CCSER1: variants seen among roughly 807,000 people sequenced by gnomAD.
CCSER1 encodes serine-rich coiled-coil domain-containing protein 1.
In CCSER1, 41 loss-of-function variants were observed where a neutral mutation model predicts 82.0. That is an observed-to-expected ratio of 0.50 (90% CI 0.39 to 0.65). CCSER1 has a LOEUF of 0.65. Among genes scored for constraint, CCSER1 ranks in the 30% least tolerant of loss-of-function variants. CCSER1 has a pLI of 0.00. For synonymous variants in CCSER1, 414 were observed against 383.9 expected (o/e 1.08, Z -0.92); for missense variants, 1,119 against 1,064.2 (o/e 1.05, Z -0.72).
At chr4:90,245,721 A>G (rs1721299891) in intron 1 of CCSER1, among the ~76,000 whole-genome samples, 1 of 152,130 alleles carries the variant, frequency 6.6e-6, no homozygotes, top group Admixed American at 6.6e-5. Flanking sequence ...CTTCCTTCAG[A>G]CCAACTTCAT....
chr4:90,838,845 T>G, intron 8 of CCSER1: 1 of 1,606,288 alleles, frequency 6.2e-7, no homozygotes, highest in South Asian at 1.1e-5. Flanking sequence ...CTAAAAGAAG[T>G]AAAATAAGAA....
intron 10 of CCSER1, among the ~76,000 whole-genome samples, chr4:91,417,486 A>G (rs1753436649): frequency 6.6e-6 from 1 of 152,220 alleles, no homozygotes; most frequent in Non-Finnish European, 1.5e-5. Context: ...TGTGGTACAT[A>G]TATACCATGG....
At chr4:90,923,545 A>C in intron 9 of CCSER1, 98 bp downstream of exon 9, 1 of 805,518 alleles carries the variant, frequency 1.2e-6, no homozygotes, top group Non-Finnish European at 2.1e-6. Context: ...GCATTGATTT[A>C]ACAGGATTTA....
chr4:90,994,632 C>A (rs1303480736), intron 9 of CCSER1, among the ~76,000 whole-genome samples: 1 of 151,998 alleles, frequency 6.6e-6, no homozygotes, highest in African/African-American at 2.4e-5. Flanking sequence ...TGTAGTAAAG[C>A]AATTTATCTG....
chr4:90,188,425 A>G (rs12331460), intron 1 of CCSER1, among the ~76,000 whole-genome samples: 47,205 of 151,654 alleles, frequency 0.31, 10,225 homozygotes, highest in East Asian at 0.65. Context: ...CCAAGAGTTT[A>G]AAAGTAGGGT....
intron 8 of CCSER1, among the ~76,000 whole-genome samples, chr4:90,821,292 G>A (rs1046896630): frequency 5.3e-5 from 8 of 152,026 alleles, no homozygotes; most frequent in Non-Finnish European, 7.4e-5. Flanking sequence ...GAACTACTGC[G>A]AACTATTAAA....
intron 1 of CCSER1, among the ~76,000 whole-genome samples, chr4:90,149,859 A>G (rs1726480038): frequency 6.6e-6 from 1 of 152,166 alleles, no homozygotes. Flanking sequence ...TTAAGTCTGC[A>G]TTGTATGTAA....
chr4:90,743,532 T>C (rs1382422397), intron 7 of CCSER1, among the ~76,000 whole-genome samples: 1 of 152,224 alleles, frequency 6.6e-6, no homozygotes, highest in Non-Finnish European at 1.5e-5. Context: ...CAAACATTGA[T>C]TCTTGTAGGC....
At chr4:91,093,374 G>A (rs1006903450) in intron 10 of CCSER1, among the ~76,000 whole-genome samples, 23 of 152,228 alleles carry the variant, frequency 1.5e-4, no homozygotes, top group African/African-American at 5.3e-4. Context: ...TGGGAGTAAG[G>A]TTGCAGGATT....
At chr4:91,389,216 T>C (rs1313177870) in intron 10 of CCSER1, among the ~76,000 whole-genome samples, 1 of 152,002 alleles carries the variant, frequency 6.6e-6, no homozygotes, top group Non-Finnish European at 1.5e-5. Context: ...GGATCTATGA[T>C]CTATTTTGAG....
intron 3 of CCSER1, among the ~76,000 whole-genome samples, chr4:90,337,074 GTTCTCTGGCTC>G (rs1227159625): frequency 6.6e-6 from 1 of 152,212 alleles, no homozygotes; most frequent in African/African-American, 2.4e-5. Context: ...CTGAATATCT[GTTCTCTGGCTC>G]TTCCCATGTA....
chr4:90,366,585 G>A (rs2085916), intron 3 of CCSER1, among the ~76,000 whole-genome samples: 41,224 of 151,348 alleles, frequency 0.27, 6,830 homozygotes, highest in African/African-American at 0.46. Context: ...GAACTCAAAA[G>A]GGAAAAAAAA....
chr4:90,501,150 C>T (rs973541787), intron 5 of CCSER1, among the ~76,000 whole-genome samples: 1 of 152,006 alleles, frequency 6.6e-6, no homozygotes, highest in Non-Finnish European at 1.5e-5. Context: ...CCTTTGCTGA[C>T]CTTCATTACA....
intron 8 of CCSER1, among the ~76,000 whole-genome samples, chr4:90,820,609 A>G (rs1422869848): frequency 3.3e-5 from 5 of 152,164 alleles, no homozygotes; most frequent in Admixed American, 1.3e-4. Flanking sequence ...TTTGGGATTA[A>G]GTTTTCAATG....
intron 9 of CCSER1, among the ~76,000 whole-genome samples, chr4:91,016,777 C>T (rs932151961): frequency 2.0e-5 from 3 of 152,136 alleles, no homozygotes; most frequent in South Asian, 4.1e-4. Flanking sequence ...AGCCACTTCC[C>T]GCTTAATTTC....
intron 10 of CCSER1, among the ~76,000 whole-genome samples, chr4:91,347,971 TTTG>T (rs1048753450): frequency 6.6e-6 from 1 of 152,062 alleles, no homozygotes; most frequent in African/African-American, 2.4e-5. Flanking sequence ...TATTTCCTTT[TTTG>T]TTGTTCTTAT....
intron 1 of CCSER1, among the ~76,000 whole-genome samples, chr4:90,289,813 G>A (rs1371599678): frequency 6.6e-6 from 1 of 151,686 alleles, no homozygotes; most frequent in Non-Finnish European, 1.5e-5. Context: ...TTGAGCAGAG[G>A]TCTAAGCCCT....
At chr4:91,163,141 T>C (rs1217098703) in intron 10 of CCSER1, among the ~76,000 whole-genome samples, 1 of 152,254 alleles carries the variant, frequency 6.6e-6, no homozygotes, top group Non-Finnish European at 1.5e-5. Flanking sequence ...GTCTTTGTTC[T>C]CATTGGTTTC....
chr4:91,168,364 C>T (rs541487358), intron 10 of CCSER1, among the ~76,000 whole-genome samples: 76 of 146,588 alleles, frequency 5.2e-4, no homozygotes, highest in Non-Finnish European at 1.0e-3. Flanking sequence ...TCTGCCCAGC[C>T]ACCCCATCTG....
Sources: gnomAD v4.1 joint callset for allele counts (sites outside exome capture counted in the v4.1 genomes callset) on GRCh38, gnomAD v4.1.1 for gene constraint, MANE v1.5 for transcripts, NCBI Gene and HGNC (gene_info 2026-07-23, HGNC 2026-07-21) for gene names.